NOS1: variants seen among roughly 807,000 people sequenced by gnomAD.
NOS1 encodes the protein nitric oxide synthase 1, also known as NOS type I.
A neutral mutation model predicts 164.5 loss-of-function variants in NOS1; 51 were observed. That is an observed-to-expected ratio of 0.31 (90% CI 0.25 to 0.39). The LOEUF (loss-of-function observed/expected upper bound fraction) is 0.39. Ranked by LOEUF, NOS1 falls within the 10% of genes least tolerant of loss-of-function variation. The probability of loss-of-function intolerance (pLI) is 1.00; values close to 1 mark genes in which losing one functional copy is unlikely to be tolerated. For synonymous variants in NOS1, 719 were observed against 745.8 expected, an observed-to-expected ratio of 0.96 and a Z score of 0.59; for missense variants, 1,362 against 1,885.6, an observed-to-expected ratio of 0.72 and a Z score of 5.14.
Position 117,220,141 on chromosome 12 carries a change from C to G in NOS1, c.4104G>C (p.Gln1368His), listed in dbSNP as rs761280701. ...GCTTCCCCTGCTGGGTCATGATGCG[C>G]TGGATGGCTTTGAGGACATCAGCAG... ...TMAADVLKAI[Q>H]RIMTQQGKLS... The change falls in exon 27 of 29, where the codon CAG (glutamine) becomes CAC (histidine). Residue 1368 changes from glutamine to histidine, a missense_variant. Around this residue, in one of 4 missense-constraint regions of NOS1, gnomAD observed 737 missense variants for 1,030.3 expected, o/e 0.72. Transcript: ENST00000317775. 1.2e-6 allele frequency: 2 copies of G among 1,614,034 alleles called. No individual in the cohort carries two copies. Among genetic ancestry groups the G allele is most frequent in the Non-Finnish European group, 1.7e-6 (2 of 1,179,992 alleles).
At chr12:117,258,573 A>G in intron 15 of NOS1, 118 bp from the exon 16 acceptor site, 2 of 1,022,512 alleles carry the variant, frequency 2.0e-6, no homozygotes, top group Non-Finnish European at 3.0e-6. Flanking sequence ...GGAGGCCAGG[A>G]TGTCAGGAGC....
chr12:117,274,946 G>A (rs1469879573), intron 9 of NOS1, among the ~76,000 whole-genome samples: 1 of 151,952 alleles, frequency 6.6e-6, no homozygotes, highest in East Asian at 1.9e-4. Flanking sequence ...GTGATATAAA[G>A]AAAATGTGTG....
chr12:117,294,355 T>C (rs1873273309), intron 3 of NOS1, among the ~76,000 whole-genome samples: 3 of 151,940 alleles, frequency 2.0e-5, no homozygotes. Context: ...AGGAGCGAGA[T>C]AACAGGACTA....
intron 3 of NOS1, among the ~76,000 whole-genome samples, chr12:117,298,255 G>A (rs558665305): frequency 6.6e-6 from 1 of 152,082 alleles, no homozygotes; most frequent in South Asian, 2.1e-4. Context: ...ATCCCTTGCA[G>A]GTGCAGTTCA....
chr12:117,261,324 T>C (rs1020683510), intron 13 of NOS1, among the ~76,000 whole-genome samples: 5 of 152,166 alleles, frequency 3.3e-5, no homozygotes, highest in African/African-American at 1.2e-4. Flanking sequence ...AAGATGATCG[T>C]TCATCCATTT....
intron 20 of NOS1, among the ~76,000 whole-genome samples, chr12:117,237,255 C>T (rs1482474934): frequency 6.6e-6 from 1 of 151,960 alleles, no homozygotes; most frequent in Non-Finnish European, 1.5e-5. Context: ...CCTCAGCCTC[C>T]CGAGTAGCTG....
intron 9 of NOS1, among the ~76,000 whole-genome samples, chr12:117,276,285 T>C (rs1873170632): frequency 6.6e-6 from 1 of 152,166 alleles, no homozygotes; most frequent in African/African-American, 2.4e-5. Flanking sequence ...TCATTCTTTC[T>C]AACTATTTTT....
At chr12:117,238,790 C>T (rs1869930317) in intron 20 of NOS1, among the ~76,000 whole-genome samples, 1 of 152,186 alleles carries the variant, frequency 6.6e-6, no homozygotes. Context: ...GCTGGGATTA[C>T]AGCTGTGAGC....
At position 117,214,758 on chromosome 12, in the gene NOS1, G is replaced by T. The variant is rs938222256; in HGVS notation, c.*551C>A. 4 of 985,328 alleles carry T rather than the reference G, an allele frequency of 4.1e-6. No homozygotes were observed. The highest frequency in any genetic ancestry group is 4.8e-6 in the Non-Finnish European group (4 of 830,016). The allele number at this position is 985,328 out of a possible 1,614,324, so 61.0% of individuals were successfully genotyped here. On this transcript the variant is annotated 3_prime_UTR_variant, in exon 29 of 29. Coordinates refer to ENST00000317775, the MANE Select transcript of NOS1 (RefSeq NM_000620.5). ...AGGGACACGTTTCTTGGCATTGAGG[G>T]TCTTCAATGAAAGCAGTGGCAATCT...
chr12:117,330,300 G>GCACACACACAAGCATGCACACA lies in NOS1; in HGVS notation c.725+44_725+45insTGTGTGCATGCTTGTGTGTGTG, dbSNP rs1875465463. On this transcript the variant is annotated intron_variant, in intron 2 of 28. Coordinates refer to ENST00000317775, the MANE Select transcript of NOS1 (RefSeq NM_000620.5). This position sits in a 1 kb window ranked among gnomAD's most constrained non-coding sequence, Gnocchi z 4.6. The stretch of plus-strand genomic sequence containing the variant: ...GACGCACATGCACACACACAAGCAT[G>GCACACACACAAGCATGCACACA]CACACACACACACACACACACACAC... The GCACACACACAAGCATGCACACA allele has an allele frequency of 1.3e-6, 2 of 1,492,180 alleles. No homozygotes were observed. The highest frequency in any genetic ancestry group is 1.8e-6 in the Non-Finnish European group (2 of 1,111,966). 92.4% of individuals were successfully genotyped at this position (1,492,180 alleles called of 1,614,324 possible).
At chr12:117,258,583 C>T (rs932752000) in intron 15 of NOS1, 128 bp from the exon 16 acceptor site, 16 of 880,648 alleles carry the variant, frequency 1.8e-5, no homozygotes, top group Middle Eastern at 2.1e-4. Context: ...ATGTCAGGAG[C>T]GGTCAGGGGC....
At chr12:117,321,085 C>T (rs1432795687) in intron 2 of NOS1, among the ~76,000 whole-genome samples, 5 of 152,172 alleles carry the variant, frequency 3.3e-5, no homozygotes, top group African/African-American at 9.7e-5. Context: ...TCTCGGCTCA[C>T]GGCAGCCTCT....
intron 3 of NOS1, chr12:117,305,085 G>T (rs887253491): frequency 1.0e-6 from 1 of 985,318 alleles, no homozygotes. Flanking sequence ...GTAGTGGCTG[G>T]GTTCCTCTTT....
chr12:117,326,845 C>G (rs1279362845), intron 2 of NOS1, among the ~76,000 whole-genome samples: 1 of 152,156 alleles, frequency 6.6e-6, no homozygotes, highest in African/African-American at 2.4e-5. Flanking sequence ...CGAGGGCTCC[C>G]GTGAAGTCCT....
rs559243559 is a variant in NOS1 at position 117,285,625 on chromosome 12, T to C, written c.1291-293A>G. On this transcript the variant is annotated intron_variant, in intron 6 of 28. Transcript: ENST00000317775. ...AAGGAGGGGGTTTAGATGGGCTGGT[T>C]ACATTTTCTGTTAGGTTACTAGGGA... is the stretch of plus-strand genomic sequence containing the variant. 2.2e-4 allele frequency among the ~76,000 whole-genome samples: 33 copies of C among 151,670 alleles called. 2 individuals carry two copies. Among genetic ancestry groups the C allele is most frequent in the Middle Eastern group, 6.9e-3 (2 of 290 alleles).
Position 117,285,649 on chromosome 12 carries a change from G to T in NOS1, c.1291-317C>A, listed in dbSNP as rs77571033. Reference sequence around the variant, plus strand: ...TTACATTTTCTGTTAGGTTACTAGGGATTAGGGATTAAAAAACAGAACAAA... The same window carrying T: ...TTACATTTTCTGTTAGGTTACTAGGTATTAGGGATTAAAAAACAGAACAAA... On this transcript the variant is annotated intron_variant, in intron 6 of 28. Transcript: ENST00000317775. 2.9e-3 allele frequency among the ~76,000 whole-genome samples: 441 copies of T among 152,154 alleles called. 3 individuals carry two copies. The highest frequency in any genetic ancestry group is 0.01 in the African/African-American group (424 of 41,512).
intron 16 of NOS1, among the ~76,000 whole-genome samples, chr12:117,254,780 T>A (rs979103539): frequency 6.6e-6 from 1 of 152,224 alleles, no homozygotes; most frequent in Non-Finnish European, 1.5e-5. Flanking sequence ...GGTTAGTGGC[T>A]GCTATAGTGG....
Position 117,210,015 on chromosome 12 carries a change from C to G in NOS1, c.*5294G>C. 1 of 974,324 alleles carries G rather than the reference C, an allele frequency of 1.0e-6. No individual in the cohort carries two copies. Among genetic ancestry groups the G allele is most frequent in the Non-Finnish European group, 1.2e-6 (1 of 819,872 alleles). 60.4% of individuals were successfully genotyped at this position (974,324 alleles called of 1,614,324 possible). On this transcript the variant is annotated 3_prime_UTR_variant, in exon 29 of 29. Coordinates refer to ENST00000317775, the MANE Select transcript of NOS1 (RefSeq NM_000620.5). ...AGAGACAGGGTCTTGCTCTGTCACT[C>G]AGGCTGGAGTGCAGTGGTGCGATCC...
At chr12:117,358,060 C>T (rs146441789) in intron 1 of NOS1, among the ~76,000 whole-genome samples, 1,634 of 152,328 alleles carry the variant, frequency 0.011, 26 homozygotes, top group African/African-American at 0.037. Context: ...CCCGCACAGA[C>T]CCACAGAACC....
Sources: gnomAD v4.1 joint callset for allele counts (sites outside exome capture counted in the v4.1 genomes callset) on GRCh38, gnomAD v4.1.1 for gene constraint, gnomAD v4.1.1 regional missense constraint, Gnocchi (gnomAD v3.1) non-coding constraint, MANE v1.5 for transcripts, NCBI Gene and HGNC (gene_info 2026-07-23, HGNC 2026-07-21) for gene names.